The following TANC2 variants were observed in gnomAD, a reference collection of about 807,000 sequenced individuals.
The protein encoded by TANC2 is tetratricopeptide repeat, ankyrin repeat and coiled-coil containing 2.
Under a neutral mutation model 210.5 loss-of-function variants are expected in TANC2, and 26 were observed. The observed-to-expected ratio is 0.12, with a 90% confidence interval of 0.09 to 0.17. TANC2 has a LOEUF of 0.17. Among genes scored for constraint, TANC2 ranks in the 10% least tolerant of loss-of-function variants. The probability of loss-of-function intolerance (pLI) is 1.00; values close to 1 mark genes in which losing one functional copy is unlikely to be tolerated. For synonymous variants in TANC2, 931 were observed against 967.1 expected (o/e 0.96, Z 0.69); for missense variants, 2,129 against 2,608.9 (o/e 0.82, Z 4.01).
At chr17:63,404,535 T>A (rs1373815635) in intron 19 of TANC2, among the ~76,000 whole-genome samples, 3 of 152,232 alleles carry the variant, frequency 2.0e-5, no homozygotes, top group African/African-American at 7.2e-5. Context: ...CTACCTTGAA[T>A]CATTCAAATC....
intron 1 of TANC2, chr17:63,004,829 C>T: frequency 3.2e-6 from 1 of 311,272 alleles, no homozygotes; most frequent in Non-Finnish European, 6.3e-6. Flanking sequence ...TTACCAAGGG[C>T]CTTTTTTGGC....
chr17:63,369,315 C>T (rs1042406166), intron 14 of TANC2, among the ~76,000 whole-genome samples: 4 of 152,138 alleles, frequency 2.6e-5, no homozygotes, highest in Non-Finnish European at 4.4e-5. Flanking sequence ...ATGGTGGGCT[C>T]TGGTAGGGAA....
chr17:63,354,758 T>C (rs1598926862), intron 13 of TANC2, 25 bp from the exon 14 acceptor site: 1 of 1,532,448 alleles, frequency 6.5e-7, no homozygotes, highest in South Asian at 1.3e-5. Flanking sequence ...TCTTTCTGTC[T>C]CTTTCTCTCT....
chr17:63,389,587 T>C, intron 17 of TANC2, 43 bp downstream of exon 17: 1 of 1,516,384 alleles, frequency 6.6e-7, no homozygotes. Flanking sequence ...CCTTTTTCTT[T>C]ATTTTCGATG....
rs2043573628 is a variant in TANC2, at chr17:63,267,749, C to T, written c.1035C>T (p.Ala345=). The T allele has an allele frequency of 2.5e-6, 4 of 1,611,166 alleles. No homozygotes were observed. In the South Asian group the frequency reaches 3.3e-5, roughly 13 times the overall value. The change falls in exon 9 of 28, where the codon GCC becomes GCT. Residue 345 remains alanine, a splice_region_variant and synonymous_variant. Transcript: ENST00000689528. ...AACTAAACTTTTCTTTCTTGTCAGC[C>T]ACCAGCTCTGCCCACTTGGAAGACC...
At chr17:63,350,240 C>G (rs1327352142) in intron 12 of TANC2, among the ~76,000 whole-genome samples, 20 of 152,202 alleles carry the variant, frequency 1.3e-4, no homozygotes, top group Admixed American at 1.3e-3. Flanking sequence ...TCGGCTTCTT[C>G]TTTTTCCTCC....
chr17:63,200,473 G>T (rs947458586), intron 6 of TANC2, among the ~76,000 whole-genome samples: 1 of 151,728 alleles, frequency 6.6e-6, no homozygotes, highest in Admixed American at 6.6e-5. Context: ...GGGAGAACTT[G>T]TGCTTAATAA....
intron 1 of TANC2, among the ~76,000 whole-genome samples, chr17:63,005,952 TTTTGATCAA>T (rs1273256562): frequency 2.0e-5 from 3 of 146,460 alleles, no homozygotes; most frequent in Non-Finnish European, 3.0e-5. Context: ...GTGTGAAGAG[TTTTGATCAA>T]TTTCTTTAAT....
intron 5 of TANC2, among the ~76,000 whole-genome samples, chr17:63,174,719 T>G (rs2040519039): frequency 6.6e-6 from 1 of 152,176 alleles, no homozygotes; most frequent in Non-Finnish European, 1.5e-5. Context: ...CACAAATACC[T>G]GTAATATAGA....
chr17:63,403,693 C>T (rs1177205742), intron 19 of TANC2, among the ~76,000 whole-genome samples: 2 of 152,156 alleles, frequency 1.3e-5, no homozygotes, highest in African/African-American at 4.8e-5. Flanking sequence ...GGAGTTCCAA[C>T]TAAAATTGAA....
chr17:63,011,418 A>G, intron 2 of TANC2, among the ~76,000 whole-genome samples: 1 of 152,166 alleles, frequency 6.6e-6, no homozygotes, highest in East Asian at 1.9e-4. Flanking sequence ...TGTGAATGTC[A>G]CAGTTACTGG....
At chr17:63,171,308 C>T (rs2040398309) in intron 5 of TANC2, among the ~76,000 whole-genome samples, 1 of 151,926 alleles carries the variant, frequency 6.6e-6, no homozygotes, top group African/African-American at 2.4e-5. Flanking sequence ...GTCTTGAACT[C>T]CTGACCTCAT....
intron 2 of TANC2, among the ~76,000 whole-genome samples, chr17:63,009,944 T>G (rs914085934): frequency 1.3e-5 from 2 of 152,152 alleles, no homozygotes; most frequent in Non-Finnish European, 2.9e-5. Context: ...ATGAAATTAT[T>G]GCAATCCTAG....
chr17:62,986,431 C>T (rs768224627), intron 1 of TANC2, among the ~76,000 whole-genome samples: 4 of 152,130 alleles, frequency 2.6e-5, no homozygotes, highest in Non-Finnish European at 4.4e-5. Context: ...GATGTGTTTG[C>T]TGGGGGTGGC....
chr17:63,424,266 A>G (rs1422657982), exon 28 of TANC2: 5 of 152,204 alleles, frequency 3.3e-5, no homozygotes, highest in African/African-American at 1.2e-4. Flanking sequence ...CCTATACCCT[A>G]TGGGCAAAAC....
intron 6 of TANC2, among the ~76,000 whole-genome samples, chr17:63,198,983 G>T (rs1475989983): frequency 6.6e-6 from 1 of 152,150 alleles, no homozygotes; most frequent in Non-Finnish European, 1.5e-5. Context: ...TACTTGGTTG[G>T]AGGGTAATGA....
At chr17:63,193,963 C>T (rs1048561861) in intron 5 of TANC2, 28 bp from the exon 6 acceptor site, 2 of 1,594,110 alleles carry the variant, frequency 1.3e-6, no homozygotes, top group Admixed American at 1.7e-5. Flanking sequence ...TTGAAAGATT[C>T]ATGTTCTTCA....
chr17:63,399,029 G>A (rs747564546), intron 19 of TANC2, 115 bp downstream of exon 19: 20 of 676,618 alleles, frequency 3.0e-5, no homozygotes, highest in Non-Finnish European at 4.2e-5. Context: ...TCAGGCTTTT[G>A]TAATGCAGAC....
chr17:63,285,160 G>T (rs967481025), intron 9 of TANC2, among the ~76,000 whole-genome samples: 1 of 151,904 alleles, frequency 6.6e-6, no homozygotes, highest in Non-Finnish European at 1.5e-5. Context: ...ATAGTGATGG[G>T]TCTTGCTTTT....
Sources: allele counts gnomAD v4.1 joint callset (sites outside exome capture counted in the v4.1 genomes callset), GRCh38; gene constraint gnomAD v4.1.1; transcripts MANE v1.5; gene names NCBI Gene and HGNC (gene_info 2026-07-23, HGNC 2026-07-21).